VPS41: variants seen among roughly 807,000 people sequenced by gnomAD.
VPS41 encodes the protein vacuolar protein sorting-associated protein 41 homolog.
Under a neutral mutation model 130.9 loss-of-function variants are expected in VPS41, and 85 were observed. The observed-to-expected ratio is 0.65, with a 90% CI of 0.55 to 0.78. The LOEUF is 0.78. Ranked by LOEUF, VPS41 falls within the 30% of genes least tolerant of loss-of-function variation. The pLI is 0.00. For synonymous variants in VPS41, 335 were observed against 332.9 expected (o/e 1.01, Z -0.07); for missense variants, 874 against 1,018.7 (o/e 0.86, Z 1.93).
At chr7:38,768,413 AT>A in intron 14 of VPS41, among the ~76,000 whole-genome samples, 1 of 152,186 alleles carries the variant, frequency 6.6e-6, no homozygotes, top group Non-Finnish European at 1.5e-5. Flanking sequence ...AAAAAAAAAA[AT>A]GGCAGGAGCC....
chr7:38,873,699 C>T (rs545714709), intron 2 of VPS41, among the ~76,000 whole-genome samples: 4 of 152,182 alleles, frequency 2.6e-5, no homozygotes, highest in Non-Finnish European at 4.4e-5. Context: ...GAAAAATTTG[C>T]GGCTTTCTTT....
intron 25 of VPS41, among the ~76,000 whole-genome samples, chr7:38,735,723 G>A (rs757685): frequency 0.83 from 126,438 of 152,198 alleles, 52,739 homozygotes; most frequent in East Asian, 0.99. Context: ...AGGTACTCAT[G>A]TATCTGAATA....
chr7:38,853,306 C>G (rs961554351), intron 4 of VPS41, among the ~76,000 whole-genome samples: 1 of 150,404 alleles, frequency 6.6e-6, no homozygotes. Context: ...GTAGTCCCAG[C>G]TACTTGGGAG....
At chr7:38,902,989 T>C (rs985525457) in intron 1 of VPS41, among the ~76,000 whole-genome samples, 1 of 152,146 alleles carries the variant, frequency 6.6e-6, no homozygotes, top group African/African-American at 2.4e-5. Flanking sequence ...AAAAACATGT[T>C]GCTGGTGATG....
chr7:38,771,374 T>C, intron 13 of VPS41, 120 bp from the exon 14 acceptor site: 3 of 713,850 alleles, frequency 4.2e-6, no homozygotes, highest in Non-Finnish European at 7.0e-6. Flanking sequence ...TATTATGGTT[T>C]AGCATTCTGC....
At chr7:38,779,766 T>C (rs1228419597) in intron 10 of VPS41, among the ~76,000 whole-genome samples, 2 of 152,232 alleles carry the variant, frequency 1.3e-5, no homozygotes, top group Non-Finnish European at 2.9e-5. Context: ...ATAAGGAATA[T>C]TCTTCATATA....
At chr7:38,875,292 C>T (rs1449700107) in intron 2 of VPS41, among the ~76,000 whole-genome samples, 1 of 152,028 alleles carries the variant, frequency 6.6e-6, no homozygotes, top group Non-Finnish European at 1.5e-5. Flanking sequence ...TATAGGACAT[C>T]TCCAAATTTG....
chr7:38,733,437 ATTTGCAAATACAT>A (rs1168666642), intron 25 of VPS41, among the ~76,000 whole-genome samples: 1 of 152,132 alleles, frequency 6.6e-6, no homozygotes, highest in Non-Finnish European at 1.5e-5. Flanking sequence ...ACTTTATGGA[ATTTGCAAATACAT>A]TTTGTGATGT....
intron 22 of VPS41, among the ~76,000 whole-genome samples, chr7:38,749,030 T>C (rs567289328): frequency 6.6e-6 from 1 of 152,328 alleles, no homozygotes; most frequent in South Asian, 2.1e-4. Context: ...TTATTATCTT[T>C]AAAAATTGCT....
intron 16 of VPS41, 27 bp from the exon 17 acceptor site, chr7:38,763,574 T>C: frequency 1.3e-6 from 2 of 1,489,366 alleles, no homozygotes; most frequent in East Asian, 4.6e-5. Context: ...GAAAAAAAAG[T>C]CCATTAAAAT....
chr7:38,766,416 G>C (rs1784043428), intron 15 of VPS41, among the ~76,000 whole-genome samples: 1 of 152,190 alleles, frequency 6.6e-6, no homozygotes, highest in East Asian at 1.9e-4. Context: ...ATCATAAGCA[G>C]AGGCACTTTC....
chr7:38,883,013 C>T (rs1053910829), intron 2 of VPS41, among the ~76,000 whole-genome samples: 4 of 152,116 alleles, frequency 2.6e-5, no homozygotes, highest in African/African-American at 9.7e-5. Context: ...GAGGCCGAGG[C>T]AGATGGATTA....
At chr7:38,787,282 A>T (rs1784456470) in intron 10 of VPS41, among the ~76,000 whole-genome samples, 1 of 152,188 alleles carries the variant, frequency 6.6e-6, no homozygotes, top group Non-Finnish European at 1.5e-5. Flanking sequence ...CAACATCATG[A>T]TGTCAGCTCT....
intron 25 of VPS41, among the ~76,000 whole-genome samples, chr7:38,732,267 T>A (rs6462862): frequency 0.34 from 51,615 of 152,028 alleles, 9,463 homozygotes; most frequent in Admixed American, 0.55. Context: ...CTTGTACAGA[T>A]CTTTTTATGG....
intron 19 of VPS41, among the ~76,000 whole-genome samples, chr7:38,755,900 C>A (rs769939356): frequency 1.3e-5 from 2 of 152,090 alleles, no homozygotes; most frequent in South Asian, 4.1e-4. Context: ...ACCTGAACTT[C>A]CTTGGAGCTA....
intron 7 of VPS41, among the ~76,000 whole-genome samples, chr7:38,806,196 A>G: frequency 6.6e-6 from 1 of 152,206 alleles, no homozygotes; most frequent in East Asian, 1.9e-4. Flanking sequence ...CTGGAATACA[A>G]TTTTACTTGG....
At chr7:38,880,889 G>A (rs1035279616) in intron 2 of VPS41, among the ~76,000 whole-genome samples, 2 of 152,166 alleles carry the variant, frequency 1.3e-5, no homozygotes, top group African/African-American at 4.8e-5. Flanking sequence ...CATCAGAAAA[G>A]ACACATTTTT....
intron 17 of VPS41, among the ~76,000 whole-genome samples, chr7:38,759,932 T>G (rs1783878300): frequency 1.3e-5 from 2 of 152,194 alleles, no homozygotes; most frequent in Admixed American, 6.5e-5. Context: ...GCATTCTATA[T>G]CTTTAACAAG....
At chr7:38,743,283 A>G in intron 24 of VPS41, 119 bp downstream of exon 24, 1 of 1,123,812 alleles carries the variant, frequency 8.9e-7, no homozygotes. Context: ...GCCTATTTTT[A>G]TTGTAGGTAC....
Sources: gnomAD v4.1 joint callset for allele counts (sites outside exome capture counted in the v4.1 genomes callset) on GRCh38, gnomAD v4.1.1 for gene constraint, MANE v1.5 for transcripts, NCBI Gene and HGNC (gene_info 2026-07-23, HGNC 2026-07-21) for gene names.